The following GULP1 variants were observed in gnomAD, a reference collection of about 807,000 sequenced individuals.
GULP1 encodes PTB domain-containing engulfment adapter protein 1.
Under a neutral mutation model 40.9 loss-of-function variants are expected in GULP1, and 19 were observed. That is an observed-to-expected ratio of 0.46 (90% CI 0.32 to 0.68). The LOEUF (loss-of-function observed/expected upper bound fraction) is 0.68. Among genes scored for constraint, GULP1 ranks in the 30% least tolerant of loss-of-function variants. The pLI is 0.03. For synonymous variants in GULP1, 119 were observed against 117.6 expected, an observed-to-expected ratio of 1.01 and a Z score of -0.08; for missense variants, 312 against 362.2, an observed-to-expected ratio of 0.86 and a Z score of 1.12.
intron 1 of GULP1, among the ~76,000 whole-genome samples, chr2:188,350,514 A>G (rs1298420931): frequency 3.3e-5 from 5 of 151,986 alleles, no homozygotes; most frequent in Non-Finnish European, 7.4e-5. Context: ...TAGAAATATA[A>G]CTGATTTTTA....
At chr2:188,399,690 GAAAAAAAAA>G (rs55877284) in intron 2 of GULP1, among the ~76,000 whole-genome samples, 13 of 64,686 alleles carry the variant, frequency 2.0e-4, no homozygotes, top group East Asian at 1.2e-3. Flanking sequence ...GTCCCTACAA[GAAAAAAAAA>G]AAAAAAAAAA....
intron 1 of GULP1, among the ~76,000 whole-genome samples, chr2:188,300,316 G>C (rs1047040725): frequency 6.6e-6 from 1 of 151,906 alleles, no homozygotes; most frequent in Non-Finnish European, 1.5e-5. Context: ...TTATCTACTT[G>C]GTAGTAAGTA....
At chr2:188,408,482 A>G (rs1367109807) in intron 2 of GULP1, among the ~76,000 whole-genome samples, 2 of 152,206 alleles carry the variant, frequency 1.3e-5, no homozygotes, top group Non-Finnish European at 2.9e-5. Context: ...ATTTTTAAGT[A>G]TATATGTACC....
intron 11 of GULP1, chr2:188,590,930 A>G (rs1703430698): frequency 6.6e-6 from 1 of 152,170 alleles, no homozygotes; most frequent in South Asian, 2.1e-4. Flanking sequence ...AGTAATCAAC[A>G]TTTTAAAATA....
chr2:188,487,773 A>G (rs147814131), intron 4 of GULP1, among the ~76,000 whole-genome samples: 69 of 152,148 alleles, frequency 4.5e-4, no homozygotes, highest in African/African-American at 1.6e-3. Context: ...TTACATTTCA[A>G]AGTTTTCTAG....
intron 1 of GULP1, among the ~76,000 whole-genome samples, chr2:188,368,345 C>A (rs1315385151): frequency 6.6e-6 from 1 of 152,088 alleles, no homozygotes; most frequent in Non-Finnish European, 1.5e-5. Flanking sequence ...ACTTTGGGGG[C>A]ATAGGCGGGT....
At chr2:188,304,210 G>A (rs753966281) in intron 1 of GULP1, among the ~76,000 whole-genome samples, 1 of 152,136 alleles carries the variant, frequency 6.6e-6, no homozygotes, top group Non-Finnish European at 1.5e-5. Context: ...ACTCCCACTT[G>A]TGCTGAAATA....
intron 1 of GULP1, among the ~76,000 whole-genome samples, chr2:188,354,237 G>A (rs1371238076): frequency 6.6e-6 from 1 of 152,084 alleles, no homozygotes; most frequent in Admixed American, 6.6e-5. Context: ...ACTGCATGGT[G>A]CCTTATCCCC....
chr2:188,316,170 A>G (rs2039052044), intron 1 of GULP1, among the ~76,000 whole-genome samples: 1 of 152,188 alleles, frequency 6.6e-6, no homozygotes, highest in Admixed American at 6.6e-5. Flanking sequence ...CAACAGAGAA[A>G]GGTAGAAAGA....
chr2:188,489,833 T>G (rs1230940000), intron 4 of GULP1, among the ~76,000 whole-genome samples: 2 of 152,074 alleles, frequency 1.3e-5, no homozygotes, highest in Non-Finnish European at 2.9e-5. Flanking sequence ...AACTGGAATT[T>G]TATTCAATTG....
At chr2:188,589,500 G>A (rs1559413067) in intron 11 of GULP1, 1 of 321,814 alleles carries the variant, frequency 3.1e-6, no homozygotes. Flanking sequence ...GGTTGCACAG[G>A]TCATACAGAG....
intron 1 of GULP1, among the ~76,000 whole-genome samples, chr2:188,299,372 A>G (rs1234009127): frequency 6.6e-6 from 1 of 152,216 alleles, no homozygotes; most frequent in East Asian, 1.9e-4. Context: ...GAAGCTCAAT[A>G]TACTAACATA....
At chr2:188,488,271 G>A (rs2062034473) in intron 4 of GULP1, among the ~76,000 whole-genome samples, 1 of 152,008 alleles carries the variant, frequency 6.6e-6, no homozygotes, top group African/African-American at 2.4e-5. Context: ...AATTAGAGCA[G>A]CCATTTCTGG....
chr2:188,345,044 C>A (rs906260645), intron 1 of GULP1, among the ~76,000 whole-genome samples: 33 of 149,550 alleles, frequency 2.2e-4, no homozygotes, highest in African/African-American at 8.0e-4. Flanking sequence ...TTATAAATAT[C>A]TGCCTTCTTT....
chr2:188,543,968 T>G (rs1691221817), intron 7 of GULP1, among the ~76,000 whole-genome samples: 1 of 152,088 alleles, frequency 6.6e-6, no homozygotes, highest in South Asian at 2.1e-4. Context: ...GTATTAATAG[T>G]CCTCCTTCTT....
At chr2:188,305,564 A>G (rs1189823510) in intron 1 of GULP1, among the ~76,000 whole-genome samples, 1 of 152,208 alleles carries the variant, frequency 6.6e-6, no homozygotes, top group Admixed American at 6.5e-5. Context: ...AGGAGGTCAG[A>G]GAGGTTTCCT....
intron 1 of GULP1, among the ~76,000 whole-genome samples, chr2:188,336,258 C>A (rs576433889): frequency 6.6e-6 from 1 of 152,116 alleles, no homozygotes; most frequent in Admixed American, 6.5e-5. Flanking sequence ...CAGGAGATTG[C>A]GTGGTTGGGA....
intron 1 of GULP1, among the ~76,000 whole-genome samples, chr2:188,322,060 A>G (rs2040069864): frequency 6.6e-6 from 1 of 152,042 alleles, no homozygotes. Context: ...ATAAAATAAA[A>G]TTACCCAGGA....
At chr2:188,551,137 A>T (rs1693356059) in intron 7 of GULP1, among the ~76,000 whole-genome samples, 1 of 151,672 alleles carries the variant, frequency 6.6e-6, no homozygotes, top group Non-Finnish European at 1.5e-5. Context: ...TATGGAGTAG[A>T]TGTGAAACAT....
Sources: gnomAD v4.1 joint callset for allele counts (sites outside exome capture counted in the v4.1 genomes callset) on GRCh38, gnomAD v4.1.1 for gene constraint, MANE v1.5 for transcripts, NCBI Gene and HGNC (gene_info 2026-07-23, HGNC 2026-07-21) for gene names.